GRM3: variants seen among roughly 807,000 people sequenced by gnomAD.
GRM3 encodes metabotropic glutamate receptor 3.
GRM3 carries 26 observed loss-of-function variants against 70.5 expected under a neutral mutation model. That is an observed-to-expected ratio of 0.37 (90% CI 0.27 to 0.51). The LOEUF is 0.51. Ranked by LOEUF, GRM3 falls within the 20% of genes least tolerant of loss-of-function variation. GRM3 has a pLI of 0.93. For missense variants in GRM3, 859 were observed against 1,123.8 expected (o/e 0.76, Z 3.37); for synonymous variants, 443 against 434.9 (o/e 1.02, Z -0.23).
At chr7:86,735,801 C>T (rs1795844404) in intron 1 of GRM3, among the ~76,000 whole-genome samples, 1 of 152,170 alleles carries the variant, frequency 6.6e-6, no homozygotes, top group Admixed American at 6.6e-5. Flanking sequence ...ATAAAGACTT[C>T]AATATTCGCA....
chr7:86,741,177 T>C (rs532996359), intron 1 of GRM3, among the ~76,000 whole-genome samples: 1 of 152,154 alleles, frequency 6.6e-6, no homozygotes, highest in Non-Finnish European at 1.5e-5. Context: ...CTACTAACTC[T>C]AATATGGATG....
chr7:86,849,293 A>G (rs555484321), intron 4 of GRM3, among the ~76,000 whole-genome samples: 2 of 152,306 alleles, frequency 1.3e-5, no homozygotes, highest in South Asian at 4.1e-4. Flanking sequence ...AGGAGCCTGC[A>G]ATTAGGGGTC....
At chr7:86,710,708 A>T (rs548124836) in intron 1 of GRM3, among the ~76,000 whole-genome samples, 1 of 152,188 alleles carries the variant, frequency 6.6e-6, no homozygotes, top group African/African-American at 2.4e-5. Flanking sequence ...TGTAATTCCC[A>T]ACTCTAGTAA....
chr7:86,781,290 T>C (rs1797052355), intron 2 of GRM3, among the ~76,000 whole-genome samples: 1 of 152,088 alleles, frequency 6.6e-6, no homozygotes, highest in Non-Finnish European at 1.5e-5. Context: ...ACTTAGAGAA[T>C]AGGAAAACTG....
rs553659905 is a variant in GRM3 at position 86,731,636 on chromosome 7, T to C, written c.-140-33370T>C. Among the ~76,000 whole-genome samples, 147 of 152,334 alleles carry C rather than the reference T, an allele frequency of 9.6e-4. No homozygotes were observed. The Middle Eastern group carries it at 0.01, about 11-fold the overall frequency. On this transcript the variant is annotated intron_variant, in intron 1 of 5. Transcript: ENST00000361669. The stretch of plus-strand genomic sequence containing the variant: ...ATTTAAAAATATTGTCAGATTGGAT[T>C]GGCTATACCTATCTCCTAGGATTTT...
intron 1 of GRM3, among the ~76,000 whole-genome samples, chr7:86,720,825 C>A (rs148283882): frequency 6.6e-6 from 1 of 151,916 alleles, no homozygotes; most frequent in African/African-American, 2.4e-5. Context: ...GATGAAGCAC[C>A]TAACTATGGA....
intron 1 of GRM3, among the ~76,000 whole-genome samples, chr7:86,734,218 A>C (rs1795804038): frequency 1.3e-5 from 2 of 152,202 alleles, no homozygotes; most frequent in South Asian, 4.1e-4. Context: ...AAGATTGAAA[A>C]AAGAATGTGT....
chr7:86,697,081 A>G (rs1218703952), intron 1 of GRM3, among the ~76,000 whole-genome samples: 3 of 152,166 alleles, frequency 2.0e-5, no homozygotes, highest in African/African-American at 7.2e-5. Context: ...GTGTTAAAAG[A>G]AAATAAAGCT....
intron 3 of GRM3, among the ~76,000 whole-genome samples, chr7:86,813,577 G>T (rs1241161995): frequency 1.3e-5 from 2 of 151,744 alleles, no homozygotes; most frequent in African/African-American, 2.4e-5. Context: ...GTTGAAATCA[G>T]AGAAAGTAAT....
chr7:86,645,432 C>A (rs553620828), intron 1 of GRM3, among the ~76,000 whole-genome samples: 1 of 152,290 alleles, frequency 6.6e-6, no homozygotes, highest in East Asian at 1.9e-4. Flanking sequence ...CCCTTTGCTC[C>A]TTTTGGCTTG....
At chr7:86,821,667 G>T (rs930351130) in intron 3 of GRM3, among the ~76,000 whole-genome samples, 2 of 152,084 alleles carry the variant, frequency 1.3e-5, no homozygotes, top group Admixed American at 6.6e-5. Context: ...CTAGACAGGG[G>T]ACCCAGAGCA....
At chr7:86,722,465 A>T (rs1321733857) in intron 1 of GRM3, among the ~76,000 whole-genome samples, 1 of 152,104 alleles carries the variant, frequency 6.6e-6, no homozygotes, top group Non-Finnish European at 1.5e-5. Context: ...ATGTGGATGA[A>T]GCTGGAAACC....
intron 2 of GRM3, among the ~76,000 whole-genome samples, chr7:86,769,891 G>C (rs577158388): frequency 1.2e-4 from 19 of 152,158 alleles, no homozygotes; most frequent in African/African-American, 4.6e-4. Context: ...ACTCTCCCTG[G>C]AGAATAAGTT....
intron 3 of GRM3, among the ~76,000 whole-genome samples, chr7:86,806,215 G>T (rs970837613): frequency 1.5e-4 from 23 of 152,270 alleles, no homozygotes; most frequent in African/African-American, 5.3e-4. Context: ...ACATACATGT[G>T]CATGTGTCTA....
At chr7:86,806,339 G>C (rs1797792577) in intron 3 of GRM3, among the ~76,000 whole-genome samples, 1 of 152,172 alleles carries the variant, frequency 6.6e-6, no homozygotes, top group South Asian at 2.1e-4. Context: ...CTTCCACAAT[G>C]GTTGAACTAG....
intron 1 of GRM3, among the ~76,000 whole-genome samples, chr7:86,734,503 C>CTATGTCTATAG (rs749118709): frequency 2.0e-5 from 3 of 152,116 alleles, no homozygotes; most frequent in Non-Finnish European, 4.4e-5. Flanking sequence ...TAGTCATAAG[C>CTATGTCTATAG]CATTAATCTA....
chr7:86,801,061 C>CTTT (rs1797669820), intron 3 of GRM3, among the ~76,000 whole-genome samples: 2 of 108,826 alleles, frequency 1.8e-5, no homozygotes, highest in African/African-American at 9.4e-5. Context: ...CGGCAAACTT[C>CTTT]TTCTTTTTTT....
chr7:86,686,721 T>C (rs371728117), intron 1 of GRM3, among the ~76,000 whole-genome samples: 61 of 152,264 alleles, frequency 4.0e-4, no homozygotes, highest in African/African-American at 1.4e-3. Flanking sequence ...GTCTATAATA[T>C]GCACATTGAT....
chr7:86,850,559 C>A lies in GRM3; in HGVS notation c.2566+15C>A. Reference sequence around the variant, plus strand: ...ATACTCTCAGTGTAAGTATGGAACTCAGCACTAACTCCTTCATACATAGCA... The same window carrying A: ...ATACTCTCAGTGTAAGTATGGAACTAAGCACTAACTCCTTCATACATAGCA... On this transcript the variant is annotated intron_variant, in intron 5 of 5. Coordinates refer to ENST00000361669, the MANE Select transcript of GRM3 (RefSeq NM_000840.3). 1.3e-6 allele frequency: 2 copies of A among 1,549,616 alleles called. No homozygotes were observed. Among genetic ancestry groups the A allele is most frequent in the Non-Finnish European group, 1.8e-6 (2 of 1,121,706 alleles).
Sources: allele counts gnomAD v4.1 joint callset (sites outside exome capture counted in the v4.1 genomes callset), GRCh38; gene constraint gnomAD v4.1.1; transcripts MANE v1.5; gene names NCBI Gene and HGNC (gene_info 2026-07-23, HGNC 2026-07-21).